Variants in SPAG16 observed in about 807,000 individuals in gnomAD.
SPAG16 encodes the protein sperm associated antigen 16, also known as sperm-associated antigen 16 protein.
Under a neutral mutation model 80.4 loss-of-function variants are expected in SPAG16, and 86 were observed. The observed-to-expected ratio is 1.07, with a 90% CI of 0.90 to 1.28. SPAG16 has a LOEUF of 1.28. Ranked by LOEUF, SPAG16 falls within the 50% of genes most tolerant of loss-of-function variation. The pLI, the probability that SPAG16 is intolerant of heterozygous loss-of-function variation, is 0.00. For missense variants in SPAG16, 870 were observed against 765.3 expected, an observed-to-expected ratio of 1.14 and a Z score of -1.61; for synonymous variants, 294 against 265.9, an observed-to-expected ratio of 1.11 and a Z score of -1.03.
intron 15 of SPAG16, among the ~76,000 whole-genome samples, chr2:214,207,201 T>G (rs935585867): frequency 1.3e-5 from 2 of 152,164 alleles, no homozygotes; most frequent in Non-Finnish European, 2.9e-5. Flanking sequence ...CTGCTTGCCC[T>G]GGGTGCCAGA....
intron 1 of SPAG16, among the ~76,000 whole-genome samples, chr2:213,293,427 A>G (rs1488987): frequency 0.22 from 32,813 of 152,144 alleles, 4,389 homozygotes; most frequent in Non-Finnish European, 0.31. Context: ...ATATTGAAGA[A>G]ATGATGTGTG....
intron 9 of SPAG16, among the ~76,000 whole-genome samples, chr2:213,476,097 T>C (rs1336739351): frequency 6.6e-6 from 1 of 152,202 alleles, no homozygotes; most frequent in Non-Finnish European, 1.5e-5. Context: ...AGGTTTACAC[T>C]CCCGATAACT....
intron 9 of SPAG16, among the ~76,000 whole-genome samples, chr2:213,410,738 C>T (rs976446653): frequency 1.1e-4 from 16 of 152,188 alleles, no homozygotes; most frequent in African/African-American, 3.6e-4. Context: ...TACACTTGTG[C>T]GCACGGCAAG....
intron 15 of SPAG16, among the ~76,000 whole-genome samples, chr2:214,165,497 T>C (rs2056614700): frequency 1.3e-5 from 1 of 79,114 alleles, no homozygotes; most frequent in Non-Finnish European, 3.0e-5. Context: ...TTTTTTTTTT[T>C]TTTTTTTTTG....
intron 15 of SPAG16, among the ~76,000 whole-genome samples, chr2:214,356,162 A>G (rs936339573): frequency 6.6e-6 from 1 of 152,022 alleles, no homozygotes; most frequent in Non-Finnish European, 1.5e-5. Context: ...CACATTGTGC[A>G]CATGTAACCT....
rs11329467 is a variant in SPAG16 at position 213,339,024 on chromosome 2, TAA to T, written c.537-1126_537-1125del. On this transcript the variant is annotated intron_variant, in intron 5 of 15. Coordinates refer to ENST00000331683, the MANE Select transcript of SPAG16 (RefSeq NM_024532.5). The stretch of plus-strand genomic sequence containing the variant: ...CAACTTGCACCTGTGCCCCAGAACT[TAA>T]AAAAAAAAAAAAGAAAAGAAGAAAG... Among the ~76,000 whole-genome samples, 1,382 of 145,862 alleles carry T rather than the reference TAA, an allele frequency of 9.5e-3. 3 individuals carry two copies. Among genetic ancestry groups the T allele is most frequent in the Non-Finnish European group, 0.013 (841 of 66,152 alleles).
chr2:213,701,043 C>T (rs186196306), intron 10 of SPAG16, among the ~76,000 whole-genome samples: 2 of 152,106 alleles, frequency 1.3e-5, no homozygotes, highest in African/African-American at 2.4e-5. Context: ...AGTTCCAGAC[C>T]AGCCTGGCCA....
At chr2:213,360,226 A>T (rs756624154) in intron 7 of SPAG16, among the ~76,000 whole-genome samples, 1 of 152,234 alleles carries the variant, frequency 6.6e-6, no homozygotes, top group Non-Finnish European at 1.5e-5. Context: ...TGTGGCAGCC[A>T]CCATTCTCAG....
chr2:213,759,763 G>A lies in SPAG16; in HGVS notation c.1071-102722G>A, dbSNP rs180925646. ...TAACGAATTCAAATAGTGGCTGGGC[G>A]CAGTGGCTCACACCTGCAATCCCTG... is the stretch of plus-strand genomic sequence containing the variant. On this transcript the variant is annotated intron_variant, in intron 10 of 15. Coordinates refer to ENST00000331683, the MANE Select transcript of SPAG16 (RefSeq NM_024532.5). Among the ~76,000 whole-genome samples the A allele has an allele frequency of 2.2e-3, 328 of 152,270 alleles. 2 individuals are homozygous for A. Among genetic ancestry groups the A allele is most frequent in the African/African-American group, 7.2e-3 (301 of 41,554 alleles).
intron 10 of SPAG16, among the ~76,000 whole-genome samples, chr2:213,629,185 T>G (rs546769001): frequency 3.4e-4 from 52 of 152,312 alleles, no homozygotes; most frequent in African/African-American, 1.2e-3. Flanking sequence ...TAACACAAAC[T>G]TACTTAGTAT....
At chr2:214,159,168 G>A (rs2056338930) in intron 15 of SPAG16, among the ~76,000 whole-genome samples, 1 of 151,844 alleles carries the variant, frequency 6.6e-6, no homozygotes, top group Non-Finnish European at 1.5e-5. Context: ...TTTGAAACAT[G>A]AAAAGATGAC....
chr2:214,172,234 A>G (rs932544075), intron 15 of SPAG16, among the ~76,000 whole-genome samples: 8 of 151,942 alleles, frequency 5.3e-5, no homozygotes, highest in African/African-American at 1.9e-4. Context: ...TCCTAATGCT[A>G]TCCCTCCCCA....
intron 10 of SPAG16, among the ~76,000 whole-genome samples, chr2:213,563,492 A>G (rs1337811323): frequency 6.6e-6 from 1 of 152,064 alleles, no homozygotes; most frequent in Non-Finnish European, 1.5e-5. Context: ...TCTAGTCAGA[A>G]CTCTCTTTCT....
At chr2:213,593,390 T>C (rs1238958211) in intron 10 of SPAG16, among the ~76,000 whole-genome samples, 1 of 152,202 alleles carries the variant, frequency 6.6e-6, no homozygotes, top group African/African-American at 2.4e-5. Flanking sequence ...TTTATCCTTC[T>C]CTTTTTAGTT....
chr2:213,461,765 A>C (rs1436672921), intron 9 of SPAG16, among the ~76,000 whole-genome samples: 2 of 152,218 alleles, frequency 1.3e-5, no homozygotes, highest in Non-Finnish European at 2.9e-5. Context: ...AGATGAAGCC[A>C]GCAAAGATAT....
At chr2:214,368,062 C>T (rs1042454820) in intron 15 of SPAG16, among the ~76,000 whole-genome samples, 2 of 152,090 alleles carry the variant, frequency 1.3e-5, no homozygotes, top group Non-Finnish European at 2.9e-5. Context: ...TGAGTTTTTC[C>T]TATCACAGCT....
chr2:214,026,228 A>ATG (rs2048122237), intron 13 of SPAG16, among the ~76,000 whole-genome samples: 2 of 151,276 alleles, frequency 1.3e-5, no homozygotes, highest in Non-Finnish European at 3.0e-5. Context: ...ACATGCATAT[A>ATG]TATACATACA....
chr2:213,336,345 T>A (rs562375621), intron 5 of SPAG16, among the ~76,000 whole-genome samples: 1 of 152,248 alleles, frequency 6.6e-6, no homozygotes, highest in East Asian at 1.9e-4. Flanking sequence ...TGAGGCAGGA[T>A]ATCTGTCCAC....
At chr2:214,359,944 A>G (rs1699077314) in intron 15 of SPAG16, among the ~76,000 whole-genome samples, 1 of 151,862 alleles carries the variant, frequency 6.6e-6, no homozygotes, top group South Asian at 2.1e-4. Flanking sequence ...GATTTAGTCT[A>G]CAATTGGCTT....
Sources: allele counts gnomAD v4.1 joint callset (sites outside exome capture counted in the v4.1 genomes callset), GRCh38; gene constraint gnomAD v4.1.1; transcripts MANE v1.5; gene names NCBI Gene and HGNC (gene_info 2026-07-23, HGNC 2026-07-21).